Variants in MCF2L observed in about 807,000 individuals in gnomAD.
MCF2L encodes the protein guanine nucleotide exchange factor DBS.
MCF2L carries 97 observed loss-of-function variants against 153.4 expected under a neutral mutation model. The observed-to-expected ratio is 0.63, with a 90% confidence interval of 0.54 to 0.75. The LOEUF is 0.75. Among genes scored for constraint, MCF2L ranks in the 30% least tolerant of loss-of-function variants. The probability of loss-of-function intolerance (pLI) is 0.00; values close to 1 mark genes in which losing one functional copy is unlikely to be tolerated. For missense variants in MCF2L, 1,347 were observed against 1,495.2 expected (o/e 0.90, Z 1.64); for synonymous variants, 659 against 632.2 (o/e 1.04, Z -0.64).
intron 1 of MCF2L, among the ~76,000 whole-genome samples, chr13:112,981,883 C>T (rs1301293577): frequency 1.3e-5 from 2 of 152,250 alleles, no homozygotes; most frequent in Admixed American, 6.5e-5. Context: ...GGCAGGAGCT[C>T]GGCACCCCGC....
At chr13:112,922,466 T>C (rs931622760) in intron 2 of MCF2L, among the ~76,000 whole-genome samples, 1 of 151,924 alleles carries the variant, frequency 6.6e-6, no homozygotes. Context: ...AGAAATAAAC[T>C]ATGGACTGAT....
At chr13:113,079,883 A>ATG (rs2033935235) in intron 15 of MCF2L, among the ~76,000 whole-genome samples, 4 of 102,692 alleles carry the variant, frequency 3.9e-5, no homozygotes, top group Non-Finnish European at 6.4e-5. Flanking sequence ...GCATCCGCAC[A>ATG]GAGGAGGGTC....
At chr13:113,030,722 C>T (rs2085632758) in intron 3 of MCF2L, among the ~76,000 whole-genome samples, 1 of 152,210 alleles carries the variant, frequency 6.6e-6, no homozygotes, top group Non-Finnish European at 1.5e-5. Flanking sequence ...AATGGAGCTC[C>T]ATTTAACCAA....
rs1370338642 is a variant in MCF2L, at chr13:113,060,704, A to C, written c.481A>C (p.Lys161Gln). 1 of 1,613,090 alleles carries C rather than the reference A, an allele frequency of 6.2e-7. No homozygotes were observed. Among genetic ancestry groups the C allele is most frequent in the Non-Finnish European group, 8.5e-7 (1 of 1,179,878 alleles). The change falls in exon 5 of 30, where the codon AAG becomes CAG. Residue 161 changes from lysine (K) to glutamine (Q), a missense_variant. This residue lies in a region of MCF2L where 820 missense variants were observed against 921.2 expected (regional missense o/e 0.89). Transcript: ENST00000535094. Reference sequence around the variant, plus strand: ...ATTCAATAGAGATGACTTTAAGATGAAGGTGCCGGTAAGTGCGCCCCGCCT... The same window carrying C: ...ATTCAATAGAGATGACTTTAAGATGCAGGTGCCGGTAAGTGCGCCCCGCCT... ...FKFNRDDFKM[K>Q]VPVIMLSSVP...
chr13:112,900,907 C>T (rs1300858017), intron 1 of MCF2L, among the ~76,000 whole-genome samples: 3 of 94,132 alleles, frequency 3.2e-5, no homozygotes, highest in African/African-American at 1.3e-4. Context: ...ACCTGCAGGT[C>T]TGACCTGAGG....
At chr13:113,014,718 G>A in intron 1 of MCF2L, 45 bp from the exon 2 acceptor site, 1 of 1,554,152 alleles carries the variant, frequency 6.4e-7, no homozygotes, top group South Asian at 1.1e-5. Context: ...GCAGGGTGAG[G>A]CAGCTTCCTG....
Position 113,077,061 on chromosome 13 carries a change from C to A in MCF2L, c.1510C>A (p.Arg504=), listed in dbSNP as rs761420211. 1.9e-6 allele frequency: 3 copies of A among 1,611,296 alleles called. No homozygotes were observed. Among genetic ancestry groups the A allele is most frequent in the Admixed American group, 3.3e-5 (2 of 59,742 alleles). The change falls in exon 13 of 30, where the codon CGA becomes AGA. Residue 504 remains arginine (R), a synonymous_variant. Transcript: ENST00000535094. ...GAGCATGCGGTTTCAGGAGCACGTG[C>A]GAAAGGTCTTCCAGAAGCAGGCAAG... ...ILNQDLMEHV[R]KVFQKQASME... is the part of the protein sequence containing the mutation.
chr13:112,968,768 G>T, upstream of MCF2L: 1 of 1,358,418 alleles, frequency 7.4e-7, no homozygotes, highest in Non-Finnish European at 9.4e-7. Context: ...GCACTCGCTC[G>T]GTCCACTCGC....
chr13:113,082,574 C>A (rs967171509), intron 17 of MCF2L, 32 bp downstream of exon 17: 1 of 1,437,490 alleles, frequency 7.0e-7, no homozygotes, highest in Non-Finnish European at 9.8e-7. Flanking sequence ...AGGCACGCAC[C>A]CGTGATCTCT....
intron 2 of MCF2L, among the ~76,000 whole-genome samples, chr13:112,903,341 G>A (rs1377802756): frequency 6.6e-6 from 1 of 152,222 alleles, no homozygotes; most frequent in African/African-American, 2.4e-5. Flanking sequence ...GCATCATTCT[G>A]AGACTTTCGC....
Position 113,014,930 on chromosome 13 carries a change from G to A in MCF2L, c.163+84G>A. 2.4e-6 allele frequency: 3 copies of A among 1,261,030 alleles called. No individual in the cohort carries two copies. In the South Asian group the frequency reaches 3.6e-5, roughly 15 times the overall value. 78.1% of individuals were successfully genotyped at this position (1,261,030 alleles called of 1,614,324 possible). On this transcript the variant is annotated intron_variant, in intron 2 of 29. Coordinates refer to ENST00000535094, the MANE Select transcript of MCF2L (RefSeq NM_001112732.3). ...CGAGCAGCCCCCGTGGCCTGGCCCA[G>A]GCTGGAGCTGGGAAGGGTCATGCGA...
chr13:113,005,480 G>A (rs2083628655), intron 1 of MCF2L, among the ~76,000 whole-genome samples: 1 of 152,154 alleles, frequency 6.6e-6, no homozygotes, highest in Admixed American at 6.5e-5. Context: ...TGGTGGCCGT[G>A]GCGTGTTTGT....
intron 2 of MCF2L, among the ~76,000 whole-genome samples, chr13:113,017,906 A>G (rs2084634526): frequency 6.6e-6 from 1 of 152,244 alleles, no homozygotes; most frequent in Non-Finnish European, 1.5e-5. Context: ...GATGTCAGGA[A>G]GGAATGGCTC....
chr13:113,000,752 C>T (rs112355708), intron 1 of MCF2L, among the ~76,000 whole-genome samples: 1,867 of 152,360 alleles, frequency 0.012, 40 homozygotes, highest in African/African-American at 0.042. Context: ...GCTGGCTGTG[C>T]TGTGCTGGGC....
intron 3 of MCF2L, among the ~76,000 whole-genome samples, chr13:113,026,441 C>G (rs957049279): frequency 6.6e-6 from 1 of 152,224 alleles, no homozygotes; most frequent in East Asian, 1.9e-4. Context: ...CCAGCTTTTT[C>G]GCTCCTGAGC....
chr13:113,075,904 G>C, intron 11 of MCF2L, 62 bp from the exon 12 acceptor site: 1 of 1,366,162 alleles, frequency 7.3e-7, no homozygotes, highest in Non-Finnish European at 1.0e-6. Context: ...TGTGTGCCTG[G>C]ACAGGGTGAC....
intron 12 of MCF2L, among the ~76,000 whole-genome samples, chr13:113,076,405 C>T: frequency 6.6e-6 from 1 of 152,106 alleles, no homozygotes. Context: ...GCTGGGATTA[C>T]AGGCGCCCAC....
At chr13:113,057,533 T>C (rs1299891441) in intron 4 of MCF2L, among the ~76,000 whole-genome samples, 1 of 146,136 alleles carries the variant, frequency 6.8e-6, no homozygotes, top group African/African-American at 2.6e-5. Context: ...GGGTGCTGAG[T>C]GTTTAGTAGC....
At chr13:113,088,276 T>G in intron 23 of MCF2L, 51 bp from the exon 24 acceptor site, 1 of 1,458,308 alleles carries the variant, frequency 6.9e-7, no homozygotes, top group Non-Finnish European at 9.6e-7. Flanking sequence ...CAAAGCGTGT[T>G]TCCTCGGGGG....
Sources: gnomAD v4.1 joint callset for allele counts (sites outside exome capture counted in the v4.1 genomes callset) on GRCh38, gnomAD v4.1.1 for gene constraint, gnomAD v4.1.1 regional missense constraint, MANE v1.5 for transcripts, NCBI Gene and HGNC (gene_info 2026-07-23, HGNC 2026-07-21) for gene names.